The following LRRTM4 variants were observed in gnomAD, a reference collection of about 807,000 sequenced individuals.
The protein encoded by LRRTM4 is leucine rich repeat transmembrane neuronal 4, also known as leucine-rich repeat transmembrane neuronal protein 4.
A neutral mutation model predicts 47.6 loss-of-function variants in LRRTM4; 25 were observed. The observed-to-expected ratio is 0.53, with a 90% confidence interval of 0.38 to 0.73. The LOEUF (loss-of-function observed/expected upper bound fraction) is 0.73, where lower values mean the gene tolerates loss of function less well. Ranked by LOEUF, LRRTM4 falls within the 30% of genes least tolerant of loss-of-function variation. The probability of loss-of-function intolerance (pLI) is 0.00; values close to 1 mark genes in which losing one functional copy is unlikely to be tolerated. For synonymous variants in LRRTM4, 311 were observed against 269.5 expected, an observed-to-expected ratio of 1.15 and a Z score of -1.51; for missense variants, 638 against 713.4, an observed-to-expected ratio of 0.89 and a Z score of 1.20.
intron 3 of LRRTM4, among the ~76,000 whole-genome samples, chr2:77,350,030 T>C (rs554192174): frequency 5.3e-5 from 8 of 151,842 alleles, no homozygotes; most frequent in South Asian, 4.1e-4. Flanking sequence ...CACGAAGAAA[T>C]TGGAAATGCT....
intron 3 of LRRTM4, among the ~76,000 whole-genome samples, chr2:77,103,876 T>C (rs1350541943): frequency 1.3e-5 from 2 of 151,950 alleles, no homozygotes; most frequent in Non-Finnish European, 2.9e-5. Context: ...GAAGAAAGCC[T>C]ATTCTCCTAG....
intron 3 of LRRTM4, among the ~76,000 whole-genome samples, chr2:77,005,737 C>A (rs1310947166): frequency 6.6e-6 from 1 of 152,150 alleles, no homozygotes; most frequent in Admixed American, 6.5e-5. Context: ...TCACCTTCCG[C>A]AGTGATTGCG....
At chr2:77,441,324 A>G (rs1308819060) in intron 3 of LRRTM4, among the ~76,000 whole-genome samples, 1 of 152,232 alleles carries the variant, frequency 6.6e-6, no homozygotes, top group East Asian at 1.9e-4. Flanking sequence ...TGCTCAAAAA[A>G]ATACTTGTTG....
At chr2:76,905,525 G>T (rs930928536) in intron 3 of LRRTM4, among the ~76,000 whole-genome samples, 1 of 152,168 alleles carries the variant, frequency 6.6e-6, no homozygotes, top group African/African-American at 2.4e-5. Context: ...GTTGAGAGAA[G>T]AAGGCTTCAG....
chr2:77,190,224 T>C (rs549960799), intron 3 of LRRTM4, among the ~76,000 whole-genome samples: 3 of 152,088 alleles, frequency 2.0e-5, no homozygotes, highest in Admixed American at 6.6e-5. Context: ...ATTTGTATAT[T>C]GGTTGGAGAT....
intron 3 of LRRTM4, among the ~76,000 whole-genome samples, chr2:76,776,219 C>T (rs1434463528): frequency 1.3e-5 from 2 of 152,166 alleles, no homozygotes; most frequent in African/African-American, 4.8e-5. Flanking sequence ...AATAAACATA[C>T]ATGTGCATGT....
rs371373530 is a variant in LRRTM4, at chr2:77,340,003, A to G, written c.1551+178315T>C. 5.3e-4 allele frequency among the ~76,000 whole-genome samples: 81 copies of G among 152,108 alleles called. 1 individual carries two copies. The South Asian group carries it at 0.017, about 31-fold the overall frequency. On this transcript the variant is annotated intron_variant, in intron 3 of 3. Coordinates refer to ENST00000409884, the MANE Select transcript of LRRTM4 (RefSeq NM_001134745.3). ...TTTTGAATATAAAAGAGTCTACATG[A>G]AACCGAAGGAATGCTAGGATAAAAC... is the stretch of plus-strand genomic sequence containing the variant.
At chr2:77,201,428 T>C (rs1673971640) in intron 3 of LRRTM4, among the ~76,000 whole-genome samples, 1 of 152,152 alleles carries the variant, frequency 6.6e-6, no homozygotes, top group Admixed American at 6.6e-5. Flanking sequence ...TGTTTCTGTT[T>C]CATATAAAAT....
chr2:77,494,088 A>C lies in LRRTM4; in HGVS notation c.1551+24230T>G, dbSNP rs1678268857. Reference sequence around the variant, plus strand: ...TGATATTGCATAGTTATGTGATAAAATTTATATTTATTATAAACATCACAA... The same window carrying C: ...TGATATTGCATAGTTATGTGATAAACTTTATATTTATTATAAACATCACAA... On this transcript the variant is annotated intron_variant, in intron 3 of 3. Coordinates refer to ENST00000409884, the MANE Select transcript of LRRTM4 (RefSeq NM_001134745.3). Among the ~76,000 whole-genome samples the C allele has an allele frequency of 1.3e-5, 2 of 152,268 alleles. 1 individual carries two copies. Among genetic ancestry groups the C allele is most frequent in the Non-Finnish European group, 2.9e-5 (2 of 68,012 alleles).
intron 3 of LRRTM4, among the ~76,000 whole-genome samples, chr2:77,173,481 A>C (rs986310268): frequency 2.0e-5 from 3 of 152,138 alleles, no homozygotes; most frequent in Non-Finnish European, 4.4e-5. Context: ...TAAAAATGGA[A>C]GTTACCTGCC....
intron 3 of LRRTM4, among the ~76,000 whole-genome samples, chr2:77,202,567 A>T (rs1674007343): frequency 6.6e-6 from 1 of 151,888 alleles, no homozygotes; most frequent in South Asian, 2.1e-4. Context: ...TTTTCCAGAA[A>T]GTCGAGCCTA....
chr2:77,310,086 T>A (rs1378356657), intron 3 of LRRTM4, among the ~76,000 whole-genome samples: 1 of 152,166 alleles, frequency 6.6e-6, no homozygotes, highest in Non-Finnish European at 1.5e-5. Context: ...AATGTATACT[T>A]GACACTAAGA....
intron 3 of LRRTM4, among the ~76,000 whole-genome samples, chr2:77,280,136 CAG>C (rs1254346452): frequency 6.6e-6 from 1 of 151,884 alleles, no homozygotes; most frequent in Non-Finnish European, 1.5e-5. Flanking sequence ...GAACAGAAGT[CAG>C]GGGAAAATGT....
intron 3 of LRRTM4, among the ~76,000 whole-genome samples, chr2:77,339,124 A>T (rs1188123527): frequency 6.8e-6 from 1 of 146,320 alleles, no homozygotes; most frequent in African/African-American, 2.7e-5. Flanking sequence ...AACAAGGGTT[A>T]AAAAAAAACC....
At chr2:76,894,355 T>A (rs949160697) in intron 3 of LRRTM4, among the ~76,000 whole-genome samples, 1 of 152,072 alleles carries the variant, frequency 6.6e-6, no homozygotes, top group East Asian at 1.9e-4. Context: ...GCCAGCATGC[T>A]GTTTGTAAAA....
chr2:77,268,696 A>G (rs1021610761), intron 3 of LRRTM4, among the ~76,000 whole-genome samples: 1 of 152,154 alleles, frequency 6.6e-6, no homozygotes, highest in Non-Finnish European at 1.5e-5. Context: ...TAACTCTATG[A>G]AAACAAAAAA....
At chr2:77,386,813 G>C (rs1354059892) in intron 3 of LRRTM4, among the ~76,000 whole-genome samples, 1 of 152,018 alleles carries the variant, frequency 6.6e-6, no homozygotes, top group Non-Finnish European at 1.5e-5. Flanking sequence ...GGGAGGGAGA[G>C]CATTAGGACA....
intron 3 of LRRTM4, among the ~76,000 whole-genome samples, chr2:77,172,121 T>C (rs1673065187): frequency 6.6e-6 from 1 of 152,228 alleles, no homozygotes. Flanking sequence ...TTAAGAAATA[T>C]TCTTCACTGA....
chr2:76,967,850 C>T (rs972162662), intron 3 of LRRTM4, among the ~76,000 whole-genome samples: 6 of 151,192 alleles, frequency 4.0e-5, no homozygotes, highest in Admixed American at 1.3e-4. Context: ...AATACTCATG[C>T]TATAATATTC....
Sources: allele counts gnomAD v4.1 joint callset (sites outside exome capture counted in the v4.1 genomes callset), GRCh38; gene constraint gnomAD v4.1.1; transcripts MANE v1.5; gene names NCBI Gene and HGNC (gene_info 2026-07-23, HGNC 2026-07-21).